The following SYCP1 variants were observed in gnomAD, a reference collection of about 807,000 sequenced individuals.
SYCP1 encodes the protein cancer/testis antigen 8.
A neutral mutation model predicts 153.1 loss-of-function variants in SYCP1; 64 were observed. The ratio of observed to expected loss-of-function variants is 0.42; its 90% CI spans 0.34 to 0.51. The LOEUF is 0.51. Among genes scored for constraint, SYCP1 ranks in the 20% least tolerant of loss-of-function variants. SYCP1 has a pLI of 0.06. For missense variants in SYCP1, 997 were observed against 1,049.0 expected, an observed-to-expected ratio of 0.95 and a Z score of 0.68; for synonymous variants, 384 against 341.8, an observed-to-expected ratio of 1.12 and a Z score of -1.36.
intron 23 of SYCP1, among the ~76,000 whole-genome samples, chr1:114,930,166 A>C (rs1286435234): frequency 6.6e-6 from 1 of 152,034 alleles, no homozygotes; most frequent in Non-Finnish European, 1.5e-5. Flanking sequence ...CATAAAACAT[A>C]AAAATTTGTA....
chr1:114,857,160 G>GAAAAAAGAAAAAAAAA, intron 3 of SYCP1, 72 bp from the exon 4 acceptor site: 1 of 592,990 alleles, frequency 1.7e-6, no homozygotes, highest in Non-Finnish European at 2.4e-6. Flanking sequence ...AAAAAAAAGA[G>GAAAAAAGAAAAAAAAA]AAAAAAGAAA....
intron 27 of SYCP1, among the ~76,000 whole-genome samples, chr1:114,968,642 GGTT>G (rs886344468): frequency 6.6e-6 from 1 of 152,080 alleles, no homozygotes; most frequent in African/African-American, 2.4e-5. Flanking sequence ...GCTTGGAGGA[GGTT>G]GTTATTACCT....
chr1:114,868,444 G>C (rs1570662967), intron 8 of SYCP1, among the ~76,000 whole-genome samples: 1 of 152,172 alleles, frequency 6.6e-6, no homozygotes, highest in East Asian at 1.9e-4. Context: ...ACTGTGTCAG[G>C]CTCCTTTTAT....
At chr1:114,986,633 C>G (rs111653028) in intron 30 of SYCP1, among the ~76,000 whole-genome samples, 2,605 of 151,960 alleles carry the variant, frequency 0.017, 72 homozygotes, top group African/African-American at 0.06. Flanking sequence ...TTGTAATTTT[C>G]TTAGCTTATG....
intron 8 of SYCP1, among the ~76,000 whole-genome samples, chr1:114,868,680 G>C (rs1248072575): frequency 1.3e-5 from 2 of 152,102 alleles, no homozygotes; most frequent in Non-Finnish European, 2.9e-5. Context: ...TGGCAGGCCT[G>C]GTGCTTTCTG....
At chr1:114,977,245 C>T (rs1163411119) in intron 27 of SYCP1, among the ~76,000 whole-genome samples, 2 of 151,656 alleles carry the variant, frequency 1.3e-5, no homozygotes, top group African/African-American at 4.8e-5. Context: ...GTGCGTATCT[C>T]TCATTCTGTA....
intron 20 of SYCP1, among the ~76,000 whole-genome samples, chr1:114,920,972 T>A (rs1668827567): frequency 6.6e-6 from 1 of 152,196 alleles, no homozygotes; most frequent in Non-Finnish European, 1.5e-5. Flanking sequence ...TTAGTCCATT[T>A]ACATTCAATG....
chr1:114,928,766 A>C (rs1017687138), intron 23 of SYCP1, among the ~76,000 whole-genome samples: 1 of 152,202 alleles, frequency 6.6e-6, no homozygotes, highest in African/African-American at 2.4e-5. Flanking sequence ...CAATATTAAC[A>C]CTTAAATAGA....
chr1:114,861,519 A>G (rs1664373508), intron 8 of SYCP1, among the ~76,000 whole-genome samples: 1 of 152,120 alleles, frequency 6.6e-6, no homozygotes, highest in Non-Finnish European at 1.5e-5. Context: ...TTTAATTTGT[A>G]TCATACAGCT....
chr1:114,921,671 T>C (rs1668896342), intron 20 of SYCP1, among the ~76,000 whole-genome samples: 1 of 151,008 alleles, frequency 6.6e-6, no homozygotes, highest in South Asian at 2.1e-4. Context: ...CAAAAACAGA[T>C]ATGAGTAGTT....
intron 27 of SYCP1, among the ~76,000 whole-genome samples, chr1:114,963,221 G>A (rs1471927942): frequency 2.6e-5 from 4 of 152,076 alleles, no homozygotes; most frequent in Non-Finnish European, 5.9e-5. Context: ...TAGATCTCTA[G>A]CAAGGTCAGG....
intron 12 of SYCP1, 89 bp downstream of exon 12, chr1:114,878,291 A>G (rs1221333217): frequency 4.5e-6 from 4 of 891,118 alleles, no homozygotes; most frequent in Non-Finnish European, 7.0e-6. Flanking sequence ...GTTTGTTGTA[A>G]TGCTTTCTAG....
chr1:114,923,544 A>C lies in SYCP1; in HGVS notation c.1800+14A>C. On this transcript the variant is annotated intron_variant, in intron 21 of 31. Coordinates refer to ENST00000369522, the MANE Select transcript of SYCP1 (RefSeq NM_003176.4). ...AGTGAAGAAAATGTATGTTATATTT[A>C]ATAATGGATCGTATCACAAAATTTC... 1 of 1,558,098 alleles carries C rather than the reference A, an allele frequency of 6.4e-7. No individual in the cohort carries two copies. Among genetic ancestry groups the C allele is most frequent in the Non-Finnish European group, 8.7e-7 (1 of 1,149,636 alleles).
chr1:114,904,338 G>A (rs370432357), intron 16 of SYCP1, among the ~76,000 whole-genome samples: 7 of 151,906 alleles, frequency 4.6e-5, no homozygotes, highest in South Asian at 2.1e-4. Flanking sequence ...GGATGGTCTC[G>A]ATCTCCTGAC....
At chr1:114,979,123 A>C (rs542467509) in intron 28 of SYCP1, among the ~76,000 whole-genome samples, 1 of 151,436 alleles carries the variant, frequency 6.6e-6, no homozygotes, top group South Asian at 2.1e-4. Context: ...TGAATGAAGA[A>C]ATTTAACTAG....
At chr1:114,874,373 G>T in intron 8 of SYCP1, 133 bp from the exon 9 acceptor site, 1 of 544,970 alleles carries the variant, frequency 1.8e-6, no homozygotes, top group Admixed American at 3.6e-5. Flanking sequence ...ACCCAGTAAT[G>T]ATTTAGATAA....
chr1:114,980,186 C>T (rs772056852), intron 28 of SYCP1, among the ~76,000 whole-genome samples: 6 of 151,818 alleles, frequency 4.0e-5, no homozygotes, highest in Non-Finnish European at 4.4e-5. Context: ...TAACATGCCT[C>T]AATTTCCTTA....
Position 114,886,299 on chromosome 1 carries a change from G to T in SYCP1, c.1180G>T (p.Glu394Ter). ...CAGCTTGGAAGAATTATTGAGAACA[G>T]AACAGCAAAGGTAAAATATTTATTA... ...VCSLEELLRT[E>*]QQRLEKNEDQ... Residue 394 changes from glutamate to a stop codon, truncating the protein, a stop_gained, in exon 14 of 32, where the codon GAA becomes TAA. Transcript: ENST00000369522. LOFTEE classifies it high-confidence loss of function. The T allele has an allele frequency of 6.5e-7, 1 of 1,538,428 alleles. No individual in the cohort carries two copies. Among genetic ancestry groups the T allele is most frequent in the South Asian group, 1.3e-5 (1 of 78,122 alleles).
intron 23 of SYCP1, among the ~76,000 whole-genome samples, chr1:114,937,791 A>G (rs1210692805): frequency 2.0e-5 from 3 of 152,248 alleles, no homozygotes; most frequent in African/African-American, 7.2e-5. Context: ...CAGACACATG[A>G]AAAGATGCTC....
Sources: gnomAD v4.1 joint callset for allele counts (sites outside exome capture counted in the v4.1 genomes callset) on GRCh38, gnomAD v4.1.1 for gene constraint, MANE v1.5 for transcripts, NCBI Gene and HGNC (gene_info 2026-07-23, HGNC 2026-07-21) for gene names.